Variants in PAAF1 observed in about 807,000 individuals in gnomAD.
The protein encoded by PAAF1 is proteasomal ATPase associated factor 1.
Under a neutral mutation model 52.8 loss-of-function variants are expected in PAAF1, and 46 were observed. The observed-to-expected ratio is 0.87, with a 90% CI of 0.69 to 1.11. The LOEUF (loss-of-function observed/expected upper bound fraction) is 1.11. Ranked by LOEUF, PAAF1 falls within the 50% of genes most tolerant of loss-of-function variation. The pLI, the probability that PAAF1 is intolerant of heterozygous loss-of-function variation, is 0.00. For synonymous variants in PAAF1, 178 were observed against 172.8 expected, an observed-to-expected ratio of 1.03 and a Z score of -0.24; for missense variants, 424 against 477.4, an observed-to-expected ratio of 0.89 and a Z score of 1.04.
At chr11:73,908,315 A>ATG (rs1232173940) in intron 6 of PAAF1, among the ~76,000 whole-genome samples, 3 of 144,222 alleles carry the variant, frequency 2.1e-5, no homozygotes, top group Admixed American at 7.0e-5. Context: ...ATGTATATAT[A>ATG]TGTGTATATA....
intron 3 of PAAF1, chr11:73,889,047 C>G (rs571752447): frequency 3.1e-6 from 2 of 655,488 alleles, no homozygotes; most frequent in Non-Finnish European, 2.7e-6. Context: ...CAAAGACAGA[C>G]TGTATGCTGG....
chr11:73,882,286 A>G (rs1210359498), intron 2 of PAAF1, among the ~76,000 whole-genome samples: 4 of 148,518 alleles, frequency 2.7e-5, no homozygotes, highest in African/African-American at 9.9e-5. Flanking sequence ...TGCTGGGATT[A>G]CAGGCGTGAG....
At chr11:73,908,357 G>A (rs886560868) in intron 6 of PAAF1, among the ~76,000 whole-genome samples, 10 of 139,520 alleles carry the variant, frequency 7.2e-5, no homozygotes, top group African/African-American at 1.1e-4. Flanking sequence ...GTGTATATAT[G>A]TGTGTATATA....
At chr11:73,892,011 T>C (rs1949214493) in intron 4 of PAAF1, among the ~76,000 whole-genome samples, 1 of 152,106 alleles carries the variant, frequency 6.6e-6, no homozygotes, top group Admixed American at 6.6e-5. Context: ...CTTCTTACTG[T>C]GTGGTACGTT....
At chr11:73,917,363 T>C (rs1410367304) in intron 9 of PAAF1, among the ~76,000 whole-genome samples, 1 of 152,286 alleles carries the variant, frequency 6.6e-6, no homozygotes, top group Admixed American at 6.5e-5. Context: ...CTGTTAGTTA[T>C]GTAGTTTTGA....
At chr11:73,879,198 A>G (rs894057348) in intron 2 of PAAF1, 1 of 154,914 alleles carries the variant, frequency 6.5e-6, no homozygotes. Flanking sequence ...TGTTTGCTAG[A>G]TATTTCTGCT....
At position 73,892,088 on chromosome 11, in the gene PAAF1, C is replaced by T. The variant is rs139018806; in HGVS notation, c.282+887C>T. 4.6e-3 allele frequency among the ~76,000 whole-genome samples: 705 copies of T among 151,818 alleles called. 4 individuals carry two copies. Among genetic ancestry groups the T allele is most frequent in the African/African-American group, 0.016 (667 of 41,390 alleles). Reference sequence around the variant, plus strand: ...CCGTAATCCTAGCACTTTGAGAGGCCGAGGTGGGTGGATCACTTGAGCTCA... The same window carrying T: ...CCGTAATCCTAGCACTTTGAGAGGCTGAGGTGGGTGGATCACTTGAGCTCA... On this transcript the variant is annotated intron_variant, in intron 4 of 11. Transcript: ENST00000310571.
intron 7 of PAAF1, among the ~76,000 whole-genome samples, chr11:73,913,008 C>T (rs1177923005): frequency 1.3e-5 from 2 of 152,206 alleles, no homozygotes; most frequent in African/African-American, 2.4e-5. Flanking sequence ...TCCCGAGTAA[C>T]TGGGATTACA....
At chr11:73,909,644 A>G in intron 7 of PAAF1, 51 bp downstream of exon 7, 1 of 1,539,328 alleles carries the variant, frequency 6.5e-7, no homozygotes, top group Non-Finnish European at 8.9e-7. Flanking sequence ...GGCCCCCTTC[A>G]GTGATTGCCT....
Position 73,909,461 on chromosome 11 carries a change from A to G in PAAF1, c.595A>G (p.Thr199Ala). 1 of 1,614,072 alleles carries G rather than the reference A, an allele frequency of 6.2e-7. No homozygotes were observed. The highest frequency in any genetic ancestry group is 1.1e-5 in the South Asian group (1 of 91,074). ...RNVVSASRDG[T>A]ARLWDCGRSA... ...TGTGGTGTCTGCTTCTCGAGATGGG[A>G]CAGCACGACTTTGGGATTGTGGGCG... Residue 199 changes from threonine to alanine, a missense_variant, in exon 7 of 12, where the codon ACA (threonine) becomes GCA (alanine). Thr to Ala is a moderately conservative substitution (Grantham distance 58). Coordinates refer to ENST00000310571, the MANE Select transcript of PAAF1 (RefSeq NM_025155.3).
chr11:73,906,268 TG>T (rs2135190505), intron 6 of PAAF1, among the ~76,000 whole-genome samples: 1 of 152,298 alleles, frequency 6.6e-6, no homozygotes, highest in East Asian at 1.9e-4. Flanking sequence ...TTTGTTTGTT[TG>T]TTTTTTTGAG....
At chr11:73,876,998 T>C, upstream of PAAF1, 5 of 1,520,016 alleles carry the variant, frequency 3.3e-6, no homozygotes, top group Non-Finnish European at 3.5e-6. Context: ...GCGGAAGAGG[T>C]GGGCTGGTGG....
intron 10 of PAAF1, among the ~76,000 whole-genome samples, chr11:73,921,393 C>CTT (rs34598736): frequency 1.4e-5 from 2 of 145,910 alleles, no homozygotes; most frequent in Non-Finnish European, 3.0e-5. Flanking sequence ...ACTTTTTGTA[C>CTT]TTTTTTTTTT....
intron 2 of PAAF1, chr11:73,879,032 C>G: frequency 2.7e-6 from 1 of 377,328 alleles, no homozygotes. Context: ...CAGACTTATT[C>G]ATGGAGACAT....
chr11:73,908,651 A>G (rs1352066356), intron 6 of PAAF1, among the ~76,000 whole-genome samples: 1 of 152,030 alleles, frequency 6.6e-6, no homozygotes, highest in Non-Finnish European at 1.5e-5. Flanking sequence ...CTCCTGCCTC[A>G]GCCTCCCAAA....
intron 3 of PAAF1, chr11:73,889,148 C>T (rs1280774401): frequency 6.6e-7 from 1 of 1,508,780 alleles, no homozygotes; most frequent in African/African-American, 1.4e-5. Context: ...TGGGTGCTGA[C>T]TTCTTTCTTC....
intron 2 of PAAF1, among the ~76,000 whole-genome samples, chr11:73,881,777 G>A (rs1272900612): frequency 6.6e-6 from 1 of 152,010 alleles, no homozygotes; most frequent in African/African-American, 2.4e-5. Flanking sequence ...TGCAATCTTG[G>A]CTCACTGCAA....
At chr11:73,903,920 C>T (rs1250223219) in intron 6 of PAAF1, among the ~76,000 whole-genome samples, 1 of 151,352 alleles carries the variant, frequency 6.6e-6, no homozygotes, top group Non-Finnish European at 1.5e-5. Context: ...CCTGTCTCTA[C>T]AAAAAATACA....
At chr11:73,895,660 T>A (rs756394623) in intron 4 of PAAF1, among the ~76,000 whole-genome samples, 1 of 152,246 alleles carries the variant, frequency 6.6e-6, no homozygotes, top group Admixed American at 6.5e-5. Flanking sequence ...TTATTGTTGC[T>A]GGGAATGTGT....
Sources: allele counts gnomAD v4.1 joint callset (sites outside exome capture counted in the v4.1 genomes callset), GRCh38; gene constraint gnomAD v4.1.1; transcripts MANE v1.5; gene names NCBI Gene and HGNC (gene_info 2026-07-23, HGNC 2026-07-21).